Variants in GOLPH3L observed in about 807,000 individuals in gnomAD.
GOLPH3L encodes golgi phosphoprotein 3 like, also known as Golgi phosphoprotein 3-like.
In GOLPH3L, 22 loss-of-function variants were observed where a neutral mutation model predicts 30.3. That is an observed-to-expected ratio of 0.73 (90% CI 0.52 to 1.04). GOLPH3L has a LOEUF of 1.04. Ranked by LOEUF, GOLPH3L falls within the 50% of genes least tolerant of loss-of-function variation. The pLI is 0.00. For missense variants in GOLPH3L, 303 were observed against 345.8 expected (o/e 0.88, Z 0.98); for synonymous variants, 120 against 128.2 (o/e 0.94, Z 0.43).
Position 150,697,021 on chromosome 1 carries a change from GC to G in GOLPH3L, c.-43del, listed in dbSNP as rs1651376431. The G allele has an allele frequency of 6.6e-6, 1 of 152,036 alleles. No homozygotes were observed. The highest frequency in any genetic ancestry group is 1.5e-5 in the Non-Finnish European group (1 of 68,018). The allele number at this position is 152,036 out of a possible 1,614,324, so 9.4% of individuals were successfully genotyped here. On this transcript the variant is annotated 5_prime_UTR_variant, in exon 1 of 5. Coordinates refer to ENST00000271732, the MANE Select transcript of GOLPH3L (RefSeq NM_018178.6). ...TGTTACTCCTGGGTTATGGCTGGAC[GC>G]AGGCTGTAGCTTGTGCTGTATTTTA...
At chr1:150,673,438 G>A (rs1040540053) in intron 2 of GOLPH3L, among the ~76,000 whole-genome samples, 1 of 151,960 alleles carries the variant, frequency 6.6e-6, no homozygotes, top group Admixed American at 6.6e-5. Flanking sequence ...GTGGTGGTGG[G>A]CACCTGTAAT....
At chr1:150,649,470 G>T (rs1303922668) in intron 4 of GOLPH3L, among the ~76,000 whole-genome samples, 1 of 152,208 alleles carries the variant, frequency 6.6e-6, no homozygotes, top group Non-Finnish European at 1.5e-5. Context: ...TAGAGATCTT[G>T]GTGGAGAGCA....
Position 150,664,843 on chromosome 1 carries a change from C to T in GOLPH3L, c.184-1080G>A, listed in dbSNP as rs193187186. Among the ~76,000 whole-genome samples the T allele has an allele frequency of 4.2e-4, 64 of 152,180 alleles. 1 individual carries two copies. Among genetic ancestry groups the T allele is most frequent in the African/African-American group, 1.5e-3 (61 of 41,528 alleles). ...ACTTAAACTTTCTGAAGTACATTGTCCTCATCTATAAAATGCAGACACCAA... is the reference window on the plus strand; with the variant it reads ...ACTTAAACTTTCTGAAGTACATTGTTCTCATCTATAAAATGCAGACACCAA... On this transcript the variant is annotated intron_variant, in intron 2 of 4. Coordinates refer to ENST00000271732, the MANE Select transcript of GOLPH3L (RefSeq NM_018178.6).
At chr1:150,678,279 C>T (rs993236944) in intron 2 of GOLPH3L, among the ~76,000 whole-genome samples, 2 of 43,726 alleles carry the variant, frequency 4.6e-5, no homozygotes, top group Admixed American at 2.9e-4. Flanking sequence ...ATCGAAACTC[C>T]GTCTCAAAAA....
intron 1 of GOLPH3L, among the ~76,000 whole-genome samples, chr1:150,695,425 C>T (rs931407556): frequency 4.6e-5 from 7 of 151,960 alleles, no homozygotes; most frequent in Admixed American, 1.3e-4. Context: ...GCATGAGCCA[C>T]CAGGCCCGGC....
intron 4 of GOLPH3L, among the ~76,000 whole-genome samples, chr1:150,651,479 G>C (rs1410810324): frequency 6.6e-6 from 1 of 151,424 alleles, no homozygotes; most frequent in African/African-American, 2.4e-5. Context: ...GTGAAACCCT[G>C]TCTCTACTAA....
intron 1 of GOLPH3L, 88 bp from the exon 2 acceptor site, chr1:150,694,938 A>G: frequency 1.4e-6 from 1 of 712,900 alleles, no homozygotes; most frequent in Non-Finnish European, 2.4e-6. Context: ...CATCCATACA[A>G]ATAGGAAATA....
intron 2 of GOLPH3L, among the ~76,000 whole-genome samples, chr1:150,671,538 G>A (rs1650643610): frequency 6.6e-6 from 1 of 152,052 alleles, no homozygotes; most frequent in Non-Finnish European, 1.5e-5. Flanking sequence ...CGGGCGCGGT[G>A]GCTCACGCCT....
intron 2 of GOLPH3L, among the ~76,000 whole-genome samples, chr1:150,680,691 T>G (rs1467146096): frequency 6.6e-6 from 1 of 152,216 alleles, no homozygotes; most frequent in African/African-American, 2.4e-5. Context: ...TTAAAGCATG[T>G]AAGTGGCTAT....
At chr1:150,693,813 GTGTGTGTATATATA>G (rs1263293805) in intron 2 of GOLPH3L, among the ~76,000 whole-genome samples, 8 of 65,392 alleles carry the variant, frequency 1.2e-4, no homozygotes, top group African/African-American at 6.9e-4. Context: ...GTGTGTGTGT[GTGTGTGTATATATA>G]TATATATATA....
chr1:150,693,847 A>ATATAT (rs1557791479), intron 2 of GOLPH3L, among the ~76,000 whole-genome samples: 3 of 27,214 alleles, frequency 1.1e-4, no homozygotes, highest in Admixed American at 7.1e-4. Context: ...ATATATATAT[A>ATATAT]TTTTTTTTTT....
intron 2 of GOLPH3L, among the ~76,000 whole-genome samples, chr1:150,673,988 C>A (rs936498821): frequency 1.3e-5 from 2 of 151,264 alleles, no homozygotes; most frequent in African/African-American, 4.9e-5. Flanking sequence ...TATCTCCCCA[C>A]AACTCACGTG....
At chr1:150,683,371 C>G (rs1242844305) in intron 2 of GOLPH3L, among the ~76,000 whole-genome samples, 2 of 151,796 alleles carry the variant, frequency 1.3e-5, no homozygotes, top group Non-Finnish European at 2.9e-5. Context: ...CCCGTCTCTA[C>G]TAAAAATACA....
At chr1:150,662,337 T>C (rs1432277292) in intron 3 of GOLPH3L, among the ~76,000 whole-genome samples, 1 of 151,740 alleles carries the variant, frequency 6.6e-6, no homozygotes, top group Non-Finnish European at 1.5e-5. Flanking sequence ...AATGGCAAAA[T>C]CTTTTCTCTA....
intron 4 of GOLPH3L, among the ~76,000 whole-genome samples, chr1:150,660,958 G>A (rs938919816): frequency 2.0e-5 from 3 of 152,040 alleles, no homozygotes; most frequent in African/African-American, 4.8e-5. Flanking sequence ...GGCTGGGCGC[G>A]GTGGCTCACG....
chr1:150,649,953 C>T (rs1261670140), intron 4 of GOLPH3L, among the ~76,000 whole-genome samples: 1 of 151,900 alleles, frequency 6.6e-6, no homozygotes, highest in Non-Finnish European at 1.5e-5. Context: ...TACCACTGCA[C>T]TCCAGCCTGA....
Position 150,648,689 on chromosome 1 carries a change from C to G in GOLPH3L, c.490G>C (p.Ala164Pro). 1.2e-6 allele frequency: 2 copies of G among 1,611,984 alleles called. No individual in the cohort carries two copies. The highest frequency in any genetic ancestry group is 1.7e-6 in the Non-Finnish European group (2 of 1,178,144). ...YQLRNVRERI[A>P]KNLVEKGILT... is the part of the protein sequence containing the mutation. ...ATACCTTTCTCTACTAGGTTCTTTGCGATGCGCTCTCGTACATTTCTCAGC... is the reference window on the plus strand; with the variant it reads ...ATACCTTTCTCTACTAGGTTCTTTGGGATGCGCTCTCGTACATTTCTCAGC... Residue 164 changes from alanine (A) to proline (P), a missense_variant, in exon 5 of 5, where the codon GCA becomes CCA. Physicochemically the swap from Ala to Pro is conservative, Grantham distance 27 (BLOSUM62 -1). Coordinates refer to ENST00000271732, the MANE Select transcript of GOLPH3L (RefSeq NM_018178.6).
intron 2 of GOLPH3L, among the ~76,000 whole-genome samples, chr1:150,664,214 C>T (rs587724912): frequency 7.9e-5 from 12 of 152,054 alleles, no homozygotes; most frequent in South Asian, 4.1e-4. Context: ...ATGTTGCCTA[C>T]GCTGGTCTCG....
intron 4 of GOLPH3L, among the ~76,000 whole-genome samples, chr1:150,652,118 A>C (rs1216420758): frequency 4.6e-5 from 7 of 152,176 alleles, no homozygotes; most frequent in African/African-American, 7.2e-5. Context: ...TTAATAACTG[A>C]CTTCCCATTA....
Sources: allele counts gnomAD v4.1 joint callset (sites outside exome capture counted in the v4.1 genomes callset), GRCh38; gene constraint gnomAD v4.1.1; transcripts MANE v1.5; gene names NCBI Gene and HGNC (gene_info 2026-07-23, HGNC 2026-07-21).